The following STK32B variants were observed in gnomAD, a reference collection of about 807,000 sequenced individuals.
STK32B encodes the protein serine/threonine kinase 32B, also known as serine/threonine-protein kinase 32B.
A neutral mutation model predicts 52.6 loss-of-function variants in STK32B; 43 were observed. The observed-to-expected ratio is 0.82, with a 90% CI of 0.64 to 1.05. The LOEUF (loss-of-function observed/expected upper bound fraction) is 1.05, where lower values mean the gene tolerates loss of function less well. STK32B is among the 50% of genes least tolerant of loss of function. The pLI, the probability that STK32B is intolerant of heterozygous loss-of-function variation, is 0.00. For missense variants in STK32B, 621 were observed against 534.6 expected, an observed-to-expected ratio of 1.16 and a Z score of -1.59; for synonymous variants, 238 against 204.3, an observed-to-expected ratio of 1.17 and a Z score of -1.41.
At chr4:5,263,083 T>A (rs1726830983) in intron 3 of STK32B, among the ~76,000 whole-genome samples, 1 of 149,180 alleles carries the variant, frequency 6.7e-6, no homozygotes, top group South Asian at 2.2e-4. Context: ...TGTAGAGCCC[T>A]CTTTCCACTA....
chr4:5,156,043 A>G (rs890866767), intron 2 of STK32B, among the ~76,000 whole-genome samples: 5 of 152,130 alleles, frequency 3.3e-5, no homozygotes, highest in African/African-American at 1.2e-4. Flanking sequence ...TAGATCCACC[A>G]CAAAACACAT....
chr4:5,145,437 A>G (rs1162735779), intron 2 of STK32B, among the ~76,000 whole-genome samples: 1 of 152,224 alleles, frequency 6.6e-6, no homozygotes, highest in African/African-American at 2.4e-5. Context: ...AATGCATCTG[A>G]GTAACCTAAA....
At chr4:5,432,446 A>G (rs1292212679) in intron 6 of STK32B, 1 of 151,900 alleles carries the variant, frequency 6.6e-6, no homozygotes, top group African/African-American at 2.4e-5. Context: ...AGATCGATGT[A>G]TTAATAGTTT....
At chr4:5,411,486 C>T (rs1711673040) in intron 5 of STK32B, among the ~76,000 whole-genome samples, 3 of 152,136 alleles carry the variant, frequency 2.0e-5, no homozygotes, top group Admixed American at 6.5e-5. Flanking sequence ...ATATATACAA[C>T]TAAAAATAGC....
At chr4:5,358,622 G>C (rs1000304739) in intron 4 of STK32B, among the ~76,000 whole-genome samples, 5 of 152,094 alleles carry the variant, frequency 3.3e-5, no homozygotes, top group Non-Finnish European at 7.4e-5. Flanking sequence ...TGTGGAAGGA[G>C]ATCATTGGAT....
In STK32B at chr4:5,398,145, G is replaced by A. The variant is rs1444097442; in HGVS notation, c.435-62G>A. ...CAGCATTTGTCCTGATGTGGTGCTTGTCTATGTGCTCATCTGTGGGCTCAG... is the reference window on the plus strand; with the variant it reads ...CAGCATTTGTCCTGATGTGGTGCTTATCTATGTGCTCATCTGTGGGCTCAG... On this transcript the variant is annotated intron_variant, in intron 4 of 11. Coordinates refer to ENST00000282908, the MANE Select transcript of STK32B (RefSeq NM_018401.3). This position sits in a 1 kb window ranked among gnomAD's most constrained non-coding sequence, Gnocchi z 4.9. 9 of 1,596,506 alleles carry A rather than the reference G, an allele frequency of 5.6e-6. No homozygotes were observed. Among genetic ancestry groups the A allele is most frequent in the Non-Finnish European group, 7.7e-6 (9 of 1,167,812 alleles).
At chr4:5,214,863 A>T (rs201179243) in intron 3 of STK32B, among the ~76,000 whole-genome samples, 1 of 152,236 alleles carries the variant, frequency 6.6e-6, no homozygotes. Flanking sequence ...ACAAAGTGTT[A>T]AAGTTTTAAG....
chr4:5,495,464 G>A (rs1203570329), intron 11 of STK32B, among the ~76,000 whole-genome samples: 1 of 152,060 alleles, frequency 6.6e-6, no homozygotes, highest in African/African-American at 2.4e-5. Flanking sequence ...GGTTATTCTA[G>A]TTATACATTC....
intron 4 of STK32B, among the ~76,000 whole-genome samples, chr4:5,384,955 G>A (rs949243981): frequency 6.6e-6 from 1 of 152,078 alleles, no homozygotes; most frequent in Admixed American, 6.5e-5. Flanking sequence ...CCAGTCACAC[G>A]GTTGTTGCCA....
intron 3 of STK32B, among the ~76,000 whole-genome samples, chr4:5,249,501 TCCTC>T (rs1319447546): frequency 0.013 from 1,605 of 124,916 alleles, 34 homozygotes; most frequent in African/African-American, 0.041. Flanking sequence ...CTTCCTTCCT[TCCTC>T]CCTCCCTTCC....
chr4:5,083,431 T>G (rs1419335737), intron 1 of STK32B, among the ~76,000 whole-genome samples: 1 of 152,190 alleles, frequency 6.6e-6, no homozygotes, highest in Non-Finnish European at 1.5e-5. Context: ...CTTGGGCAAG[T>G]TACTCAACTT....
chr4:5,310,031 T>A (rs1276574072), intron 3 of STK32B, among the ~76,000 whole-genome samples: 1 of 152,080 alleles, frequency 6.6e-6, no homozygotes, highest in African/African-American at 2.4e-5. Flanking sequence ...CCGGGCGTGG[T>A]GGCAAGTTGC....
At chr4:5,364,857 C>A (rs942001434) in intron 4 of STK32B, among the ~76,000 whole-genome samples, 10 of 151,636 alleles carry the variant, frequency 6.6e-5, no homozygotes, top group Non-Finnish European at 1.3e-4. Flanking sequence ...AGCAACCCTG[C>A]CTGGAAAAAA....
intron 1 of STK32B, among the ~76,000 whole-genome samples, chr4:5,087,677 G>T (rs1000705101): frequency 1.3e-5 from 2 of 151,368 alleles, no homozygotes; most frequent in Non-Finnish European, 3.0e-5. Context: ...TAGACTTTAA[G>T]AAAAAATAAT....
intron 1 of STK32B, among the ~76,000 whole-genome samples, chr4:5,120,518 G>A (rs1219241016): frequency 6.6e-6 from 1 of 152,090 alleles, no homozygotes; most frequent in Non-Finnish European, 1.5e-5. Context: ...CTTTTTCATA[G>A]GGAGGTATGT....
chr4:5,246,605 G>T (rs924264180), intron 3 of STK32B, among the ~76,000 whole-genome samples: 1 of 152,108 alleles, frequency 6.6e-6, no homozygotes, highest in East Asian at 1.9e-4. Flanking sequence ...GCTTTGTTCT[G>T]TTGCTGATGA....
At chr4:5,439,517 G>A (rs1299486839) in intron 6 of STK32B, among the ~76,000 whole-genome samples, 1 of 151,688 alleles carries the variant, frequency 6.6e-6, no homozygotes, top group Non-Finnish European at 1.5e-5. Flanking sequence ...TTTGTCAGAT[G>A]AGTAGGTTGT....
chr4:5,094,994 G>C (rs928940082), intron 1 of STK32B, among the ~76,000 whole-genome samples: 1 of 152,228 alleles, frequency 6.6e-6, no homozygotes, highest in Non-Finnish European at 1.5e-5. Flanking sequence ...AGAGGAATGA[G>C]ATGCGGCTCT....
chr4:5,392,702 G>A (rs1736661704), intron 4 of STK32B, among the ~76,000 whole-genome samples: 2 of 152,110 alleles, frequency 1.3e-5, no homozygotes, highest in African/African-American at 4.8e-5. Context: ...CAGTAAAATA[G>A]GAGTAGCAAT....
Sources: gnomAD v4.1 joint callset for allele counts (sites outside exome capture counted in the v4.1 genomes callset) on GRCh38, gnomAD v4.1.1 for gene constraint, Gnocchi (gnomAD v3.1) non-coding constraint, MANE v1.5 for transcripts, NCBI Gene and HGNC (gene_info 2026-07-23, HGNC 2026-07-21) for gene names.